The following WWOX variants were observed in gnomAD, a reference collection of about 807,000 sequenced individuals.
WWOX encodes the protein WW domain-containing oxidoreductase.
WWOX carries 69 observed loss-of-function variants against 46.2 expected under a neutral mutation model. The observed-to-expected ratio is 1.49, with a 90% confidence interval of 1.23 to 1.82. The LOEUF (loss-of-function observed/expected upper bound fraction) is 1.82. Ranked by LOEUF, WWOX falls within the 40% of genes most tolerant of loss-of-function variation. The probability of loss-of-function intolerance (pLI) is 0.00; values close to 1 mark genes in which losing one functional copy is unlikely to be tolerated. For missense variants in WWOX, 919 were observed against 542.6 expected, an observed-to-expected ratio of 1.69 and a Z score of -6.89; for synonymous variants, 359 against 202.6, an observed-to-expected ratio of 1.77 and a Z score of -6.56.
chr16:78,804,415 A>AT (rs1267694683), intron 8 of WWOX, among the ~76,000 whole-genome samples: 2 of 152,016 alleles, frequency 1.3e-5, no homozygotes, highest in African/African-American at 4.8e-5. Context: ...GCTCAGCCAA[A>AT]TTAAAAAAAA....
rs139685155 is a variant in WWOX at position 78,417,009 on chromosome 16, C to T, written c.606-7861C>T. ...CTTATGTAAGACAGAAGGTATTGTG[C>T]AGTAGCCTTGAAGTCAGGTGACCCT... On this transcript the variant is annotated intron_variant, in intron 6 of 8. Coordinates refer to ENST00000566780, the MANE Select transcript of WWOX (RefSeq NM_016373.4). 4.6e-4 allele frequency among the ~76,000 whole-genome samples: 68 copies of T among 148,602 alleles called. 1 individual carries two copies. Among genetic ancestry groups the T allele is most frequent in the Non-Finnish European group, 8.1e-4 (55 of 67,978 alleles).
intron 8 of WWOX, among the ~76,000 whole-genome samples, chr16:79,047,397 T>C (rs2048085461): frequency 1.3e-5 from 2 of 152,186 alleles, no homozygotes; most frequent in Admixed American, 6.5e-5. Context: ...CAGATGAAGA[T>C]TGATCCATTG....
intron 8 of WWOX, among the ~76,000 whole-genome samples, chr16:78,760,044 C>G (rs28410067): frequency 0.13 from 20,321 of 152,162 alleles, 1,688 homozygotes; most frequent in African/African-American, 0.23. Context: ...TGTGTTCACA[C>G]TAGTGATAAA....
chr16:79,040,796 C>G (rs960106895), intron 8 of WWOX, among the ~76,000 whole-genome samples: 2 of 151,986 alleles, frequency 1.3e-5, no homozygotes, highest in African/African-American at 4.8e-5. Context: ...AGTGCTTTGT[C>G]CTTGTCCGGA....
chr16:79,184,401 G>C (rs1446177603), intron 8 of WWOX, among the ~76,000 whole-genome samples: 1 of 152,170 alleles, frequency 6.6e-6, no homozygotes, highest in African/African-American at 2.4e-5. Context: ...CAGAGACCTG[G>C]AATAATCAGT....
At chr16:78,924,301 G>T (rs556650336) in intron 8 of WWOX, among the ~76,000 whole-genome samples, 1 of 152,136 alleles carries the variant, frequency 6.6e-6, no homozygotes, top group African/African-American at 2.4e-5. Context: ...GATTAGGAAG[G>T]CTTTTTTAGG....
chr16:78,387,099 G>A (rs1004379651), intron 6 of WWOX, 151 bp downstream of exon 6: 7 of 748,836 alleles, frequency 9.3e-6, no homozygotes, highest in East Asian at 8.1e-5. Flanking sequence ...AAGGTGAACC[G>A]TATTTTCTTG....
At chr16:78,247,342 C>T (rs1440509533) in intron 5 of WWOX, among the ~76,000 whole-genome samples, 1 of 152,128 alleles carries the variant, frequency 6.6e-6, no homozygotes, top group Non-Finnish European at 1.5e-5. Context: ...GAACAATGCA[C>T]CCGTTATTAC....
chr16:78,668,524 A>G (rs1185960380), intron 8 of WWOX, among the ~76,000 whole-genome samples: 2 of 152,180 alleles, frequency 1.3e-5, no homozygotes, highest in African/African-American at 2.4e-5. Context: ...AAGAACAAGC[A>G]GGAACAAACA....
intron 8 of WWOX, among the ~76,000 whole-genome samples, chr16:78,804,070 C>T (rs2050964392): frequency 6.6e-6 from 1 of 152,120 alleles, no homozygotes; most frequent in Non-Finnish European, 1.5e-5. Flanking sequence ...CTTCCCTCTC[C>T]TTCATTCCCA....
At chr16:78,286,900 G>A (rs149723070) in intron 5 of WWOX, among the ~76,000 whole-genome samples, 17 of 152,146 alleles carry the variant, frequency 1.1e-4, no homozygotes, top group African/African-American at 3.6e-4. Context: ...TTAAAAAAAT[G>A]TCCTGCAGAT....
intron 8 of WWOX, among the ~76,000 whole-genome samples, chr16:78,894,416 C>G (rs2044656829): frequency 6.6e-6 from 1 of 152,150 alleles, no homozygotes; most frequent in Non-Finnish European, 1.5e-5. Context: ...GATGCTTAAG[C>G]ATGTAGATCA....
intron 8 of WWOX, among the ~76,000 whole-genome samples, chr16:78,600,201 C>T (rs141513196): frequency 1.3e-5 from 2 of 152,158 alleles, no homozygotes; most frequent in East Asian, 1.9e-4. Flanking sequence ...CAGTTACGTT[C>T]CACCGGGGCC....
At chr16:78,883,457 C>T (rs1386370347) in intron 8 of WWOX, among the ~76,000 whole-genome samples, 1 of 152,156 alleles carries the variant, frequency 6.6e-6, no homozygotes, top group Non-Finnish European at 1.5e-5. Flanking sequence ...GGCATGGTGG[C>T]TTATGCCCGA....
chr16:78,572,985 A>G (rs370990891), intron 8 of WWOX, among the ~76,000 whole-genome samples: 21 of 152,286 alleles, frequency 1.4e-4, no homozygotes, highest in African/African-American at 4.8e-4. Context: ...TGCTTCCTGT[A>G]GTAAAAATTA....
At chr16:78,735,303 T>G (rs1193473487) in intron 8 of WWOX, among the ~76,000 whole-genome samples, 1 of 149,558 alleles carries the variant, frequency 6.7e-6, no homozygotes, top group Non-Finnish European at 1.5e-5. Context: ...ATCTTGAGAC[T>G]TTTTCTTATT....
chr16:78,591,013 G>A (rs986201096), intron 8 of WWOX, among the ~76,000 whole-genome samples: 1 of 152,136 alleles, frequency 6.6e-6, no homozygotes, highest in African/African-American at 2.4e-5. Context: ...TCAACTCACG[G>A]TGGCTCCACC....
intron 8 of WWOX, among the ~76,000 whole-genome samples, chr16:78,723,441 G>T (rs1567516080): frequency 2.2e-5 from 3 of 135,512 alleles, no homozygotes; most frequent in Admixed American, 7.3e-5. Context: ...TAAATGAACT[G>T]AAGCCACAAC....
At chr16:78,822,737 C>T (rs1241045525) in intron 8 of WWOX, among the ~76,000 whole-genome samples, 1 of 152,060 alleles carries the variant, frequency 6.6e-6, no homozygotes, top group Non-Finnish European at 1.5e-5. Flanking sequence ...AGACGCTTAG[C>T]ATATTTAGGT....
Sources: allele counts gnomAD v4.1 joint callset (sites outside exome capture counted in the v4.1 genomes callset), GRCh38; gene constraint gnomAD v4.1.1; transcripts MANE v1.5; gene names NCBI Gene and HGNC (gene_info 2026-07-23, HGNC 2026-07-21).